The following HIPK2 variants were observed in gnomAD, a reference collection of about 807,000 sequenced individuals.
The protein encoded by HIPK2 is homeodomain-interacting protein kinase 2.
Under a neutral mutation model 113.7 loss-of-function variants are expected in HIPK2, and 27 were observed. The observed-to-expected ratio is 0.24, with a 90% CI of 0.17 to 0.33. The LOEUF is 0.33. Ranked by LOEUF, HIPK2 falls within the 10% of genes least tolerant of loss-of-function variation. The pLI, the probability that HIPK2 is intolerant of heterozygous loss-of-function variation, is 1.00. For missense variants in HIPK2, 1,257 were observed against 1,588.0 expected (o/e 0.79, Z 3.54); for synonymous variants, 631 against 642.2 (o/e 0.98, Z 0.26).
At chr7:139,616,106 G>A (rs1800034880) in intron 7 of HIPK2, among the ~76,000 whole-genome samples, 1 of 151,994 alleles carries the variant, frequency 6.6e-6, no homozygotes, top group South Asian at 2.1e-4. Flanking sequence ...CCCTGCTGGG[G>A]GTCCTGGCAC....
intron 1 of HIPK2, among the ~76,000 whole-genome samples, chr7:139,770,719 G>C (rs1021309424): frequency 6.6e-6 from 1 of 152,140 alleles, no homozygotes; most frequent in African/African-American, 2.4e-5. Flanking sequence ...TTATAGAGTC[G>C]ACAGCATTAA....
chr7:139,584,004 G>A lies in HIPK2; in HGVS notation c.2778C>T (p.Tyr926=), dbSNP rs1253647595. 2 of 1,613,610 alleles carry A rather than the reference G, an allele frequency of 1.2e-6. No individual in the cohort carries two copies. Among genetic ancestry groups the A allele is most frequent in the Admixed American group, 3.3e-5 (2 of 60,004 alleles). ...GGCTGGTGTTGCTGGAGGAGTCGGA[G>A]TAGGGGGAGTCGTGGACTGTGACAC... ...ISCVTVHDSP[Y]SDSSSNTSPY... is the part of the protein sequence containing the mutation. The change falls in exon 13 of 15, where the codon TAC becomes TAT. Residue 926 remains tyrosine, a synonymous_variant. Transcript: ENST00000406875.
chr7:139,641,760 G>A (rs909764972), intron 2 of HIPK2, among the ~76,000 whole-genome samples: 3 of 152,190 alleles, frequency 2.0e-5, no homozygotes, highest in Non-Finnish European at 4.4e-5. Flanking sequence ...CTTTGGTCAA[G>A]TCTGAGACCA....
At chr7:139,763,473 C>CG (rs1004442076) in intron 1 of HIPK2, among the ~76,000 whole-genome samples, 3 of 62,922 alleles carry the variant, frequency 4.8e-5, no homozygotes, top group East Asian at 1.6e-3. Flanking sequence ...CCGGAACACG[C>CG]CCCCCCCCCC....
intron 1 of HIPK2, among the ~76,000 whole-genome samples, chr7:139,748,030 AT>A (rs372967609): frequency 3.0e-4 from 44 of 148,248 alleles, no homozygotes; most frequent in Non-Finnish European, 3.6e-4. Flanking sequence ...CAGGTGGCCA[AT>A]TTTTTTTTTT....
At chr7:139,681,481 G>A (rs1471326258) in intron 2 of HIPK2, among the ~76,000 whole-genome samples, 2 of 152,096 alleles carry the variant, frequency 1.3e-5, no homozygotes, top group African/African-American at 2.4e-5. Context: ...GGCTTCTTCC[G>A]GAACCCCTGC....
chr7:139,719,565 A>G (rs1795347969), intron 1 of HIPK2, among the ~76,000 whole-genome samples: 1 of 152,210 alleles, frequency 6.6e-6, no homozygotes, highest in Non-Finnish European at 1.5e-5. Context: ...GATATATTGC[A>G]GCCTCCTGCT....
intron 12 of HIPK2, among the ~76,000 whole-genome samples, chr7:139,591,449 G>A (rs1050254073): frequency 2.6e-5 from 4 of 152,080 alleles, no homozygotes; most frequent in East Asian, 1.9e-4. Context: ...ACTGAGCACC[G>A]CTCTGCCCTA....
chr7:139,621,737 T>C (rs1800239236), intron 6 of HIPK2, among the ~76,000 whole-genome samples: 1 of 152,010 alleles, frequency 6.6e-6, no homozygotes, highest in African/African-American at 2.4e-5. Context: ...TTGGACAACA[T>C]AGGGAGATCC....
chr7:139,740,461 T>C (rs1245136706), intron 1 of HIPK2, among the ~76,000 whole-genome samples: 1 of 152,144 alleles, frequency 6.6e-6, no homozygotes, highest in Non-Finnish European at 1.5e-5. Flanking sequence ...CTCTCTACCG[T>C]CCCTCACCAG....
chr7:139,663,126 C>A (rs1801924596), intron 2 of HIPK2, among the ~76,000 whole-genome samples: 1 of 152,198 alleles, frequency 6.6e-6, no homozygotes, highest in Non-Finnish European at 1.5e-5. Flanking sequence ...CAGGAACTCT[C>A]CCTGCATCCT....
chr7:139,602,150 G>A (rs56193720), intron 10 of HIPK2, among the ~76,000 whole-genome samples: 1 of 151,890 alleles, frequency 6.6e-6, no homozygotes, highest in African/African-American at 2.4e-5. Flanking sequence ...GCGGGGTTTC[G>A]CCATGCTGAC....
At chr7:139,583,003 C>A (rs61288260) in intron 13 of HIPK2, among the ~76,000 whole-genome samples, 6,326 of 152,306 alleles carry the variant, frequency 0.042, 251 homozygotes, top group African/African-American at 0.1. Flanking sequence ...GTAACAGCTT[C>A]TCACATCTAG....
rs1798077406 is a variant in HIPK2 at position 139,565,895 on chromosome 7, GA to G, written c.*7031del. 6.6e-6 allele frequency: 1 copy of G among 151,370 alleles called. No individual in the cohort carries two copies. The highest frequency in any genetic ancestry group is 2.1e-4 in the South Asian group (1 of 4,816). 9.4% of individuals were successfully genotyped at this position (151,370 alleles called of 1,614,324 possible). A position where few individuals can be genotyped will look rare whatever the true frequency, so the allele number is the denominator to read the frequency against. The stretch of plus-strand genomic sequence containing the variant: ...CAAGTGCAGTAAAAAATAGCATTTT[GA>G]AAAAAATATATACCTTTAGTATTGC... On this transcript the variant is annotated 3_prime_UTR_variant, in exon 15 of 15. Coordinates refer to ENST00000406875, the MANE Select transcript of HIPK2 (RefSeq NM_022740.5).
rs1798151488 is a variant in HIPK2, at chr7:139,568,176, T to C, written c.*4751A>G. On this transcript the variant is annotated 3_prime_UTR_variant, in exon 15 of 15. Coordinates refer to ENST00000406875, the MANE Select transcript of HIPK2 (RefSeq NM_022740.5). ...TCCTGATGTCCATCCGTCTCACACG[T>C]TGGTGTCTGGGCGGGCTGAGTCTTC... 1 of 152,262 alleles carries C rather than the reference T, an allele frequency of 6.6e-6. No homozygotes were observed. The highest frequency in any genetic ancestry group is 1.9e-4 in the East Asian group (1 of 5,202). The allele number at this position is 152,262 out of a possible 1,614,324, so 9.4% of individuals were successfully genotyped here.
At position 139,596,892 on chromosome 7, in the gene HIPK2, T is replaced by C. The variant is rs765926754; in HGVS notation, c.2542A>G (p.Ser848Gly). The stretch of plus-strand genomic sequence containing the variant: ...GTGACCGAGGTGCTGCAGGCCGGGC[T>C]ACTGTGCACCATGGCACAGCGGGGA... ...TPPRCAMVHS[S>G]PACSTSVTCG... is the part of the protein sequence containing the mutation. The change falls in exon 12 of 15, where the codon AGC (serine) becomes GGC (glycine). Residue 848 changes from serine to glycine, a missense_variant. Ser to Gly is a moderately conservative substitution (Grantham distance 56, BLOSUM62 0). Transcript: ENST00000406875. 6.2e-7 allele frequency: 1 copy of C among 1,613,890 alleles called. No homozygotes were observed. The highest frequency in any genetic ancestry group is 8.5e-7 in the Non-Finnish European group (1 of 1,179,834).
intron 2 of HIPK2, among the ~76,000 whole-genome samples, chr7:139,712,939 G>A (rs1380015587): frequency 2.0e-5 from 3 of 152,170 alleles, no homozygotes; most frequent in Non-Finnish European, 2.9e-5. Context: ...CAGAAGAGCC[G>A]CTGTCTTTCC....
intron 1 of HIPK2, among the ~76,000 whole-genome samples, chr7:139,745,954 C>T (rs963252276): frequency 6.6e-6 from 1 of 152,080 alleles, no homozygotes; most frequent in African/African-American, 2.4e-5. Flanking sequence ...TGGATGACCT[C>T]GTGTAAATAG....
chr7:139,712,625 T>TGCAGCTGAAA (rs1198072373), intron 2 of HIPK2, among the ~76,000 whole-genome samples: 7 of 152,226 alleles, frequency 4.6e-5, no homozygotes, highest in Non-Finnish European at 7.3e-5. Flanking sequence ...ACGATGCAGA[T>TGCAGCTGAAA]GCAGCTGAAA....
Sources: allele counts gnomAD v4.1 joint callset (sites outside exome capture counted in the v4.1 genomes callset), GRCh38; gene constraint gnomAD v4.1.1; transcripts MANE v1.5; gene names NCBI Gene and HGNC (gene_info 2026-07-23, HGNC 2026-07-21).